The following KIAA1217 variants were observed in gnomAD, a reference collection of about 807,000 sequenced individuals.
KIAA1217 encodes KIAA1217.
KIAA1217 carries 88 observed loss-of-function variants against 163.9 expected under a neutral mutation model. The ratio of observed to expected loss-of-function variants is 0.54; its 90% CI spans 0.45 to 0.64. The LOEUF (loss-of-function observed/expected upper bound fraction) is 0.64, where lower values mean the gene tolerates loss of function less well. KIAA1217 is among the 30% of genes least tolerant of loss of function. The pLI, the probability that KIAA1217 is intolerant of heterozygous loss-of-function variation, is 0.00. For synonymous variants in KIAA1217, 903 were observed against 923.1 expected (o/e 0.98, Z 0.39); for missense variants, 2,372 against 2,475.0 (o/e 0.96, Z 0.88).
chr10:23,864,072 GTTA>G (rs148144520), intron 1 of KIAA1217, among the ~76,000 whole-genome samples: 11,782 of 149,144 alleles, frequency 0.079, 1,440 homozygotes, highest in African/African-American at 0.26. Context: ...TTGTAAAGTA[GTTA>G]TTATTATTAT....
At chr10:24,006,165 A>C (rs978950534) in intron 1 of KIAA1217, among the ~76,000 whole-genome samples, 1 of 152,232 alleles carries the variant, frequency 6.6e-6, no homozygotes, top group Non-Finnish European at 1.5e-5. Context: ...GGTCATAGCC[A>C]ATATTTTAAA....
chr10:23,949,444 C>A (rs1026179013), intron 1 of KIAA1217, among the ~76,000 whole-genome samples: 1 of 152,082 alleles, frequency 6.6e-6, no homozygotes, highest in Non-Finnish European at 1.5e-5. Context: ...GTGTGACATA[C>A]GCATGGTGAG....
intron 2 of KIAA1217, among the ~76,000 whole-genome samples, chr10:24,337,986 GT>G (rs1368759264): frequency 6.6e-6 from 1 of 152,094 alleles, no homozygotes; most frequent in Non-Finnish European, 1.5e-5. Flanking sequence ...CATTTTGCCA[GT>G]TTCAGCAGTA....
chr10:24,368,166 C>A (rs2051051068), intron 2 of KIAA1217, among the ~76,000 whole-genome samples: 1 of 152,208 alleles, frequency 6.6e-6, no homozygotes, highest in Admixed American at 6.5e-5. Context: ...TATTCTTAAT[C>A]ATTTTCACAT....
At chr10:24,016,086 G>T (rs982831513) in intron 2 of KIAA1217, among the ~76,000 whole-genome samples, 1 of 152,126 alleles carries the variant, frequency 6.6e-6, no homozygotes, top group African/African-American at 2.4e-5. Flanking sequence ...CATAGTTGAG[G>T]TTGGTGTTAA....
At chr10:24,042,161 A>G (rs992814087) in intron 2 of KIAA1217, 2 of 151,868 alleles carry the variant, frequency 1.3e-5, no homozygotes, top group Admixed American at 1.3e-4. Context: ...TGCACTTCAT[A>G]CTGTAACTGT....
intron 4 of KIAA1217, 52 bp downstream of exon 4, chr10:24,433,245 G>GT: frequency 1.4e-6 from 2 of 1,410,056 alleles, no homozygotes; most frequent in Non-Finnish European, 1.9e-6. Context: ...AGTTTTTTTT[G>GT]TTTTTTGTTT....
At chr10:23,994,715 G>C (rs960567793) in intron 1 of KIAA1217, among the ~76,000 whole-genome samples, 1 of 152,146 alleles carries the variant, frequency 6.6e-6, no homozygotes, top group African/African-American at 2.4e-5. Flanking sequence ...AGTCAAATCC[G>C]AACCATACAA....
At chr10:23,831,684 A>G (rs1838209289) in intron 1 of KIAA1217, among the ~76,000 whole-genome samples, 2 of 152,102 alleles carry the variant, frequency 1.3e-5, no homozygotes, top group African/African-American at 4.8e-5. Context: ...TCCCCTAACC[A>G]TATCTTGATC....
intron 2 of KIAA1217, among the ~76,000 whole-genome samples, chr10:24,289,130 A>C (rs575228620): frequency 6.6e-6 from 1 of 152,346 alleles, no homozygotes. Flanking sequence ...TATTATAAAT[A>C]AAATAATAAT....
chr10:24,535,450 C>T (rs2073862510), intron 16 of KIAA1217, among the ~76,000 whole-genome samples: 2 of 152,180 alleles, frequency 1.3e-5, no homozygotes, highest in Non-Finnish European at 2.9e-5. Flanking sequence ...AAAGAAAACA[C>T]TAGGCAATTA....
At chr10:23,834,820 T>C (rs1217987490) in intron 1 of KIAA1217, among the ~76,000 whole-genome samples, 1 of 152,108 alleles carries the variant, frequency 6.6e-6, no homozygotes, top group East Asian at 1.9e-4. Context: ...TGGTGAGGAC[T>C]GTAGGAGGAG....
chr10:24,416,508 C>G (rs1242817855), intron 3 of KIAA1217, among the ~76,000 whole-genome samples: 1 of 152,194 alleles, frequency 6.6e-6, no homozygotes, highest in Non-Finnish European at 1.5e-5. Flanking sequence ...GGGCAAGAAT[C>G]CAGAGGCTTG....
intron 2 of KIAA1217, among the ~76,000 whole-genome samples, chr10:24,232,539 T>C (rs549091223): frequency 5.9e-5 from 9 of 152,110 alleles, no homozygotes; most frequent in Non-Finnish European, 1.3e-4. Context: ...AGCTAGGCAG[T>C]GTCAGGAGAC....
At chr10:23,795,514 A>G (rs1400417978) in intron 1 of KIAA1217, among the ~76,000 whole-genome samples, 1 of 152,228 alleles carries the variant, frequency 6.6e-6, no homozygotes, top group Non-Finnish European at 1.5e-5. Context: ...AAGGCAGGGT[A>G]CATTTCAGGA....
At chr10:24,467,492 T>C (rs531625809) in intron 5 of KIAA1217, among the ~76,000 whole-genome samples, 1 of 152,306 alleles carries the variant, frequency 6.6e-6, no homozygotes, top group South Asian at 2.1e-4. Context: ...TGAATGAACA[T>C]TTTCTGTGTC....
At chr10:24,292,727 A>G (rs2079208446) in intron 2 of KIAA1217, among the ~76,000 whole-genome samples, 1 of 152,160 alleles carries the variant, frequency 6.6e-6, no homozygotes, top group Admixed American at 6.5e-5. Flanking sequence ...CATGATTGAC[A>G]TGGGCTGTTT....
intron 2 of KIAA1217, among the ~76,000 whole-genome samples, chr10:24,166,059 A>AT (rs1181849425): frequency 6.6e-6 from 1 of 152,104 alleles, no homozygotes; most frequent in Admixed American, 6.5e-5. Context: ...AGGATTAAAA[A>AT]CTTATTTTTT....
intron 1 of KIAA1217, among the ~76,000 whole-genome samples, chr10:23,893,966 A>G (rs1326345922): frequency 6.6e-6 from 1 of 152,084 alleles, no homozygotes; most frequent in Non-Finnish European, 1.5e-5. Flanking sequence ...CTCTCAATAA[A>G]TTAGGTATTG....
Sources: allele counts gnomAD v4.1 joint callset (sites outside exome capture counted in the v4.1 genomes callset), GRCh38; gene constraint gnomAD v4.1.1; transcripts MANE v1.5; gene names NCBI Gene and HGNC (gene_info 2026-07-23, HGNC 2026-07-21).